Variants in CTNNA2 observed in about 807,000 individuals in gnomAD.
CTNNA2 encodes the protein catenin alpha-2.
A neutral mutation model predicts 101.0 loss-of-function variants in CTNNA2; 42 were observed. The observed-to-expected ratio is 0.42, with a 90% confidence interval of 0.32 to 0.54. CTNNA2 has a LOEUF of 0.54. CTNNA2 is among the 20% of genes least tolerant of loss of function. The pLI is 0.14. For synonymous variants in CTNNA2, 450 were observed against 456.4 expected (o/e 0.99, Z 0.18); for missense variants, 871 against 1,223.1 (o/e 0.71, Z 4.29).
chr2:80,204,754 A>G (rs568718987), intron 7 of CTNNA2, among the ~76,000 whole-genome samples: 43 of 151,526 alleles, frequency 2.8e-4, no homozygotes, highest in Admixed American at 1.3e-4. Flanking sequence ...GCCCCACTCT[A>G]CTGGTACCAA....
chr2:79,898,183 G>A lies in CTNNA2; in HGVS notation c.853-11411G>A, dbSNP rs577790753. Among the ~76,000 whole-genome samples, 28 of 152,078 alleles carry A rather than the reference G, an allele frequency of 1.8e-4. 1 individual carries two copies. The South Asian group carries it at 5.4e-3, about 29-fold the overall frequency. On this transcript the variant is annotated intron_variant, in intron 6 of 18. Coordinates refer to ENST00000402739, the MANE Select transcript of CTNNA2 (RefSeq NM_001282597.3). ...GAGTCTCACTTTGTCACCCAGGCTGGTGTGCAGTGGTGTGATCTCAGCTCA... is the reference window on the plus strand; with the variant it reads ...GAGTCTCACTTTGTCACCCAGGCTGATGTGCAGTGGTGTGATCTCAGCTCA...
At chr2:79,600,598 AC>A (rs1677489675) in intron 1 of CTNNA2, among the ~76,000 whole-genome samples, 1 of 152,228 alleles carries the variant, frequency 6.6e-6, no homozygotes, top group Non-Finnish European at 1.5e-5. Flanking sequence ...ACTATTGAAC[AC>A]GTAGAAAATA....
chr2:80,328,230 T>G lies in CTNNA2; in HGVS notation c.1057-64981T>G, dbSNP rs12616789. 4.1e-4 allele frequency: 190 copies of G among 468,862 alleles called. 3 individuals carry two copies. The East Asian group carries it at 0.013, about 32-fold the overall frequency. The allele number at this position is 468,862 out of a possible 1,614,324, so 29.0% of individuals were successfully genotyped here. A position where few individuals can be genotyped will look rare whatever the true frequency, so the allele number is the denominator to read the frequency against. On this transcript the variant is annotated intron_variant, in intron 7 of 18. Coordinates refer to ENST00000402739, the MANE Select transcript of CTNNA2 (RefSeq NM_001282597.3). ...TTTTTGGGTTTTGTCATTATCTGTC[T>G]TTGTCAGGGAAGCATGATCAGTTCC...
chr2:79,836,207 C>G (rs193142515), intron 3 of CTNNA2, among the ~76,000 whole-genome samples: 14 of 152,216 alleles, frequency 9.2e-5, no homozygotes, highest in Admixed American at 6.5e-4. Context: ...GCTTTTTTTG[C>G]TCCTTAAATT....
At chr2:79,733,602 C>G (rs2104933091) in intron 2 of CTNNA2, among the ~76,000 whole-genome samples, 1 of 151,846 alleles carries the variant, frequency 6.6e-6, no homozygotes, top group Non-Finnish European at 1.5e-5. Context: ...TTTGTGGGAA[C>G]TTACCCTTCC....
intron 15 of CTNNA2, among the ~76,000 whole-genome samples, chr2:80,596,311 T>G (rs1696969469): frequency 1.4e-5 from 1 of 69,992 alleles, no homozygotes; most frequent in Admixed American, 1.5e-4. Flanking sequence ...TTTTTTTTTT[T>G]TTTTTTTTTT....
At chr2:79,733,770 C>A (rs1337800313) in intron 2 of CTNNA2, among the ~76,000 whole-genome samples, 2 of 152,152 alleles carry the variant, frequency 1.3e-5, no homozygotes, top group Non-Finnish European at 2.9e-5. Context: ...TTTCCTGCAT[C>A]TCACCATCGA....
intron 1 of CTNNA2, among the ~76,000 whole-genome samples, chr2:79,513,593 A>G (rs1416070836): frequency 6.6e-6 from 1 of 152,084 alleles, no homozygotes; most frequent in Non-Finnish European, 1.5e-5. Flanking sequence ...AATTGGGTGC[A>G]TATACTGAGA....
At chr2:79,401,289 A>G (rs1407508389) in intron 4 of CTNNA2, among the ~76,000 whole-genome samples, 1 of 151,636 alleles carries the variant, frequency 6.6e-6, no homozygotes, top group Non-Finnish European at 1.5e-5. Flanking sequence ...TTAATTTTAA[A>G]AAGAAAAACT....
intron 7 of CTNNA2, among the ~76,000 whole-genome samples, chr2:80,129,364 A>G (rs1702296368): frequency 6.6e-6 from 1 of 152,166 alleles, no homozygotes; most frequent in Non-Finnish European, 1.5e-5. Flanking sequence ...TCAAAGGAGT[A>G]GCGAGTTAAA....
intron 7 of CTNNA2, chr2:80,162,966 T>C (rs1704426059): frequency 1.3e-6 from 2 of 1,540,130 alleles, no homozygotes; most frequent in Admixed American, 1.7e-5. Context: ...CAAACTGACA[T>C]CTTGCGAGGC....
chr2:80,481,260 A>G (rs1458141924), intron 9 of CTNNA2, among the ~76,000 whole-genome samples: 4 of 152,080 alleles, frequency 2.6e-5, no homozygotes, highest in Non-Finnish European at 5.9e-5. Context: ...TAAGTGTCTA[A>G]TGGCAGAGGA....
chr2:79,803,426 T>C (rs1007720831), intron 3 of CTNNA2, among the ~76,000 whole-genome samples: 1 of 152,260 alleles, frequency 6.6e-6, no homozygotes, highest in African/African-American at 2.4e-5. Flanking sequence ...GATATTTGAC[T>C]AACTAAAAGT....
chr2:79,398,869 A>T (rs1416319384), intron 4 of CTNNA2, among the ~76,000 whole-genome samples: 1 of 152,014 alleles, frequency 6.6e-6, no homozygotes, highest in Non-Finnish European at 1.5e-5. Flanking sequence ...AAAAGAAAAA[A>T]AGTTGAATCC....
chr2:79,535,786 A>C (rs1250867778), intron 1 of CTNNA2, among the ~76,000 whole-genome samples: 1 of 152,168 alleles, frequency 6.6e-6, no homozygotes, highest in Non-Finnish European at 1.5e-5. Flanking sequence ...GAAAGAATTA[A>C]AGATAACAGC....
At chr2:80,351,125 A>G (rs879358319) in intron 7 of CTNNA2, among the ~76,000 whole-genome samples, 2 of 152,164 alleles carry the variant, frequency 1.3e-5, no homozygotes, top group Non-Finnish European at 2.9e-5. Flanking sequence ...AAAAAGAAAC[A>G]GATTCCTACT....
intron 7 of CTNNA2, among the ~76,000 whole-genome samples, chr2:79,958,161 T>C (rs1336695635): frequency 6.6e-6 from 1 of 152,222 alleles, no homozygotes; most frequent in Non-Finnish European, 1.5e-5. Context: ...AGGAGTTAAC[T>C]ATTTTTTCCT....
intron 4 of CTNNA2, among the ~76,000 whole-genome samples, chr2:79,425,643 C>G (rs1378600055): frequency 2.0e-5 from 3 of 152,020 alleles, no homozygotes; most frequent in African/African-American, 7.2e-5. Flanking sequence ...TAAAAGGCCC[C>G]ACCTTTTAAT....
At chr2:79,300,406 A>G (rs946996982) in intron 2 of CTNNA2, among the ~76,000 whole-genome samples, 1 of 152,318 alleles carries the variant, frequency 6.6e-6, no homozygotes, top group African/African-American at 2.4e-5. Flanking sequence ...TATTTTTAAC[A>G]ATAGACCATA....
Sources: gnomAD v4.1 joint callset for allele counts (sites outside exome capture counted in the v4.1 genomes callset) on GRCh38, gnomAD v4.1.1 for gene constraint, MANE v1.5 for transcripts, NCBI Gene and HGNC (gene_info 2026-07-23, HGNC 2026-07-21) for gene names.